NAA35: variants seen among roughly 807,000 people sequenced by gnomAD.
NAA35 encodes the protein MAK10 homolog, amino-acid N-acetyltransferase subunit.
NAA35 carries 18 observed loss-of-function variants against 101.7 expected under a neutral mutation model. The ratio of observed to expected loss-of-function variants is 0.18; its 90% CI spans 0.12 to 0.26. The LOEUF (loss-of-function observed/expected upper bound fraction) is 0.26. Ranked by LOEUF, NAA35 falls within the 10% of genes least tolerant of loss-of-function variation. NAA35 has a pLI of 1.00. For missense variants in NAA35, 601 were observed against 886.8 expected (o/e 0.68, Z 4.09); for synonymous variants, 267 against 273.1 (o/e 0.98, Z 0.22).
Position 85,996,545 on chromosome 9 carries a change from G to C in NAA35, c.1024G>C (p.Val342Leu). Residue 342 changes from valine (V) to leucine (L), a missense_variant, in exon 12 of 23, where the codon GTT becomes CTT. This residue lies in a region of NAA35 where 190 missense variants were observed against 223.1 expected (regional missense o/e 0.85). Transcript: ENST00000361671. ...LIDRIKTVCE[V>L]VNLTNLHCIL... ...AGATAGAATAAAAACTGTCTGTGAGGTTGTGAATTTAACAAATTTACATTG... is the reference window on the plus strand; with the variant it reads ...AGATAGAATAAAAACTGTCTGTGAGCTTGTGAATTTAACAAATTTACATTG... 1 of 1,585,250 alleles carries C rather than the reference G, an allele frequency of 6.3e-7. No individual in the cohort carries two copies. The highest frequency in any genetic ancestry group is 8.5e-7 in the Non-Finnish European group (1 of 1,171,900).
At chr9:85,963,083 T>C (rs947371507) in intron 6 of NAA35, among the ~76,000 whole-genome samples, 2 of 152,174 alleles carry the variant, frequency 1.3e-5, no homozygotes, top group African/African-American at 4.8e-5. Flanking sequence ...TAACTATTTT[T>C]GTTAAATTCT....
rs916580895 is a variant in NAA35, at chr9:86,022,166, A to G, written c.*206A>G. On this transcript the variant is annotated 3_prime_UTR_variant, in exon 23 of 23. Coordinates refer to ENST00000361671, the MANE Select transcript of NAA35 (RefSeq NM_024635.4). The stretch of plus-strand genomic sequence containing the variant: ...AGTGGTTTATTATGTTCCATGGAAG[A>G]AACTGGTCTTATTGAATGCATTGAT... The G allele has an allele frequency of 2.2e-6, 1 of 452,102 alleles. No homozygotes were observed. Among genetic ancestry groups the G allele is most frequent in the Admixed American group, 4.1e-5 (1 of 24,524 alleles). 28.0% of individuals were successfully genotyped at this position (452,102 alleles called of 1,614,324 possible).
At chr9:85,997,505 C>T (rs1831215207) in intron 12 of NAA35, among the ~76,000 whole-genome samples, 2 of 151,916 alleles carry the variant, frequency 1.3e-5, no homozygotes, top group Admixed American at 1.3e-4. Flanking sequence ...CCATGCATGG[C>T]TAATTTTTTG....
intron 11 of NAA35, among the ~76,000 whole-genome samples, chr9:85,983,073 C>A (rs750325984): frequency 6.6e-6 from 1 of 152,118 alleles, no homozygotes; most frequent in South Asian, 2.1e-4. Context: ...TTTCATCCCC[C>A]TTTTTGCTGA....
chr9:86,007,606 T>C (rs1831705502), intron 14 of NAA35, 142 bp downstream of exon 14: 1 of 560,900 alleles, frequency 1.8e-6, no homozygotes, highest in Non-Finnish European at 3.1e-6. Context: ...TAAAATTAAT[T>C]GATCTCTGCC....
chr9:85,947,655 T>C (rs1485961709), intron 2 of NAA35, among the ~76,000 whole-genome samples: 1 of 152,234 alleles, frequency 6.6e-6, no homozygotes, highest in Non-Finnish European at 1.5e-5. Context: ...GTGGTGCTAC[T>C]GGCATCTAAC....
chr9:85,992,030 C>T (rs1564311827), intron 11 of NAA35, among the ~76,000 whole-genome samples: 5 of 152,038 alleles, frequency 3.3e-5, no homozygotes, highest in South Asian at 2.1e-4. Flanking sequence ...AAAAAACAGC[C>T]GGGTGTGGTG....
In NAA35 at chr9:86,021,952, CTTGT is replaced by C; in HGVS notation, c.2174_2177del (p.Val725GlufsTer20). 1.9e-6 allele frequency: 3 copies of C among 1,613,286 alleles called. No homozygotes were observed. Among genetic ancestry groups the C allele is most frequent in the East Asian group, 2.2e-5 (1 of 44,824 alleles). ...TCATAAATATTTTCCTGTTGTGAAA[CTTGT>C]TTGAGAGAGACTGGGGAGGTGGCCA... On this transcript the variant is annotated frameshift_variant, in exon 23 of 23. Coordinates refer to ENST00000361671, the MANE Select transcript of NAA35 (RefSeq NM_024635.4). LOFTEE classifies it high-confidence loss of function.
At chr9:85,944,549 G>A in intron 2 of NAA35, among the ~76,000 whole-genome samples, 1 of 152,180 alleles carries the variant, frequency 6.6e-6, no homozygotes, top group East Asian at 1.9e-4. Context: ...AAACAAGAGA[G>A]ATGATGTGTG....
intron 13 of NAA35, among the ~76,000 whole-genome samples, chr9:86,004,936 G>T (rs1831567357): frequency 6.6e-6 from 1 of 152,100 alleles, no homozygotes; most frequent in Non-Finnish European, 1.5e-5. Context: ...CTGCAGGCCA[G>T]CTCTATGTAG....
rs146721005 is a variant in NAA35, at chr9:85,991,377, T to G, written c.878-5022T>G. 6.0e-3 allele frequency among the ~76,000 whole-genome samples: 914 copies of G among 152,186 alleles called. 11 individuals carry two copies. Among genetic ancestry groups the G allele is most frequent in the African/African-American group, 0.021 (857 of 41,522 alleles). ...GCATCTGTGCATGTGGGTGACCAAGTACAGGGTTTCAGAGCCTAAGCATGT... is the reference window on the plus strand; with the variant it reads ...GCATCTGTGCATGTGGGTGACCAAGGACAGGGTTTCAGAGCCTAAGCATGT... On this transcript the variant is annotated intron_variant, in intron 11 of 22. Transcript: ENST00000361671.
chr9:86,021,198 G>T (rs1225441256), intron 22 of NAA35, among the ~76,000 whole-genome samples: 2 of 152,164 alleles, frequency 1.3e-5, no homozygotes, highest in African/African-American at 4.8e-5. Context: ...TCTCCTTGCT[G>T]TGTAAATTAC....
intron 2 of NAA35, among the ~76,000 whole-genome samples, chr9:85,949,254 A>G (rs1828900067): frequency 1.4e-5 from 2 of 144,142 alleles, no homozygotes; most frequent in African/African-American, 5.1e-5. Context: ...TGTCCTCTGG[A>G]TTTTTTTCTT....
intron 16 of NAA35, 31 bp from the exon 17 acceptor site, chr9:86,013,688 G>T: frequency 1.9e-6 from 3 of 1,572,882 alleles, no homozygotes; most frequent in South Asian, 2.3e-5. Flanking sequence ...AAAACAAAAC[G>T]AACACAGTTT....
At chr9:85,966,734 TTAA>T (rs1176893968) in intron 6 of NAA35, 3 of 753,814 alleles carry the variant, frequency 4.0e-6, no homozygotes, top group African/African-American at 3.7e-5. Flanking sequence ...GGCAAACAGT[TTAA>T]TAATGTGTAT....
intron 11 of NAA35, among the ~76,000 whole-genome samples, chr9:85,979,670 C>G (rs934050380): frequency 6.6e-6 from 1 of 152,186 alleles, no homozygotes; most frequent in African/African-American, 2.4e-5. Context: ...ACTCTGAACA[C>G]CAGGCAGGCG....
At chr9:85,953,249 A>G (rs561255100) in intron 2 of NAA35, among the ~76,000 whole-genome samples, 22 of 149,130 alleles carry the variant, frequency 1.5e-4, no homozygotes, top group African/African-American at 4.9e-4. Context: ...TACCGGCTTA[A>G]CCATTTTTAA....
chr9:85,971,775 C>T (rs1564298334), intron 6 of NAA35, among the ~76,000 whole-genome samples: 1 of 152,060 alleles, frequency 6.6e-6, no homozygotes, highest in Non-Finnish European at 1.5e-5. Flanking sequence ...TATAGTTTAC[C>T]TCATATCCAC....
chr9:86,011,891 TATG>T (rs1831937766), intron 15 of NAA35, among the ~76,000 whole-genome samples: 1 of 141,842 alleles, frequency 7.1e-6, no homozygotes, highest in African/African-American at 2.6e-5. Flanking sequence ...ATATATATTA[TATG>T]ATATATATTA....
Sources: allele counts gnomAD v4.1 joint callset (sites outside exome capture counted in the v4.1 genomes callset), GRCh38; gene constraint gnomAD v4.1.1; regional missense constraint gnomAD v4.1.1; transcripts MANE v1.5; gene names NCBI Gene and HGNC (gene_info 2026-07-23, HGNC 2026-07-21).